Variants in PLIN4 observed in about 807,000 individuals in gnomAD.
The protein encoded by PLIN4 is perilipin 4, also known as perilipin-4.
In PLIN4, 57 loss-of-function variants were observed where a neutral mutation model predicts 52.4. The ratio of observed to expected loss-of-function variants is 1.09; its 90% CI spans 0.88 to 1.36. PLIN4 has a LOEUF of 1.36. PLIN4 is among the 40% of genes most tolerant of loss of function. The probability of loss-of-function intolerance (pLI) is 0.00; values close to 1 mark genes in which losing one functional copy is unlikely to be tolerated. For synonymous variants in PLIN4, 826 were observed against 785.4 expected (o/e 1.05, Z -0.86); for missense variants, 1,757 against 1,770.3 (o/e 0.99, Z 0.13).
chr19:4,505,177 C>T lies in PLIN4; in HGVS notation c.3703-230G>A, dbSNP rs189900258. 1.9e-4 allele frequency among the ~76,000 whole-genome samples: 29 copies of T among 152,274 alleles called. No individual in the cohort carries two copies. The East Asian group carries it at 5.6e-3, about 29-fold the overall frequency. ...GCACGTAACACAGTGTCTGTGGGGT[C>T]GTGTCACTCCTCACCCCTAAACCTG... On this transcript the variant is annotated intron_variant, in intron 6 of 7. Coordinates refer to ENST00000301286, the MANE Select transcript of PLIN4 (RefSeq NM_001367868.2).
Position 4,511,235 on chromosome 19 carries a change from C to T in PLIN4, c.2725G>A (p.Ala909Thr), listed in dbSNP as rs1473876399. Reference sequence around the variant, plus strand: ...ACGCCGGTCTGGACAGTCCCTTTGGCCAAGTTCACAGCCCCTGTGAGCCCA... The same window carrying T: ...ACGCCGGTCTGGACAGTCCCTTTGGTCAAGTTCACAGCCCCTGTGAGCCCA... ...STGLTGAVNL[A>T]KGTVQTGVDT... Residue 909 changes from alanine to threonine, a missense_variant, in exon 5 of 8, where the codon GCC becomes ACC. Physicochemically the swap from Ala to Thr is moderately conservative, Grantham distance 58. Coordinates refer to ENST00000301286, the MANE Select transcript of PLIN4 (RefSeq NM_001367868.2). 1 of 1,611,224 alleles carries T rather than the reference C, an allele frequency of 6.2e-7. No homozygotes were observed. Among genetic ancestry groups the T allele is most frequent in the African/African-American group, 1.3e-5 (1 of 74,820 alleles).
At chr19:4,509,980 A>G (rs1976235432) in intron 5 of PLIN4, among the ~76,000 whole-genome samples, 1 of 151,940 alleles carries the variant, frequency 6.6e-6, no homozygotes, top group Non-Finnish European at 1.5e-5. Context: ...CTGAGGCAGG[A>G]GGATCGTTTG....
chr19:4,510,338 C>A, intron 5 of PLIN4, 108 bp downstream of exon 5: 1 of 1,208,930 alleles, frequency 8.3e-7, no homozygotes, highest in Non-Finnish European at 1.0e-6. Context: ...TGCACTCCAG[C>A]CTGGGCAACA....
chr19:4,508,115 G>GGTAGCTTGCTGTCCT (rs1378870519), intron 6 of PLIN4, among the ~76,000 whole-genome samples: 14 of 152,240 alleles, frequency 9.2e-5, no homozygotes, highest in Non-Finnish European at 1.9e-4. Context: ...CTTGCTCCCC[G>GGTAGCTTGCTGTCCT]GTAGCTTGCT....
At chr19:4,514,381 G>C (rs192883703) in intron 4 of PLIN4, among the ~76,000 whole-genome samples, 103 of 152,030 alleles carry the variant, frequency 6.8e-4, no homozygotes, top group African/African-American at 2.4e-3. Context: ...CCAGGAGGTT[G>C]AGGCAATAGT....
intron 5 of PLIN4, 75 bp downstream of exon 5, chr19:4,510,371 A>C: frequency 7.7e-7 from 1 of 1,301,724 alleles, no homozygotes; most frequent in South Asian, 3.2e-5. Context: ...GTCTCAAAAA[A>C]AAAAACAAAA....
chr19:4,517,704 T>C lies in PLIN4; in HGVS notation c.52-6A>G. The C allele has an allele frequency of 1.9e-6, 3 of 1,578,694 alleles. No homozygotes were observed. The highest frequency in any genetic ancestry group is 2.6e-6 in the Non-Finnish European group (3 of 1,162,868). On this transcript the variant is annotated splice_region_variant and splice_polypyrimidine_tract_variant and intron_variant, in intron 2 of 7. Transcript: ENST00000301286. Reference sequence around the variant, plus strand: ...CCAAAGAAGCTGCCCAGGGTCTGCATGGGGGCGGGGGGTGTGCAGGATGAG... The same window carrying C: ...CCAAAGAAGCTGCCCAGGGTCTGCACGGGGGCGGGGGGTGTGCAGGATGAG...
intron 5 of PLIN4, among the ~76,000 whole-genome samples, chr19:4,509,285 T>G (rs1976205307): frequency 5.6e-5 from 3 of 53,178 alleles, no homozygotes; most frequent in South Asian, 7.2e-4. Context: ...CACTCCAGCC[T>G]GGGTAAGAGT....
At position 4,502,271 on chromosome 19, in the gene PLIN4, G is replaced by C; in HGVS notation, c.*2188C>G. On this transcript the variant is annotated 3_prime_UTR_variant, in exon 8 of 8. Transcript: ENST00000301286. ...GTGCAGTGGGGGCCTGAGCTGGGGC[G>C]CAGGCGGCAGTGTCACTGGGCCCGT... is the stretch of plus-strand genomic sequence containing the variant. 1 of 556,610 alleles carries C rather than the reference G, an allele frequency of 1.8e-6. No homozygotes were observed. Among genetic ancestry groups the C allele is most frequent in the South Asian group, 1.7e-5 (1 of 58,312 alleles). 34.5% of individuals were successfully genotyped at this position (556,610 alleles called of 1,614,324 possible).
intron 5 of PLIN4, among the ~76,000 whole-genome samples, 168 bp from the exon 6 acceptor site, chr19:4,509,123 C>G (rs1257304475): frequency 6.6e-6 from 1 of 151,390 alleles, no homozygotes; most frequent in Non-Finnish European, 1.5e-5. Context: ...TCCTGGCTAA[C>G]ACGGTGAAAC....
In PLIN4 at chr19:4,518,238, G is replaced by T. The variant is rs1193165598; in HGVS notation, c.35C>A (p.Pro12His). 1.6e-6 allele frequency: 2 copies of T among 1,233,070 alleles called. No individual in the cohort carries two copies. The highest frequency in any genetic ancestry group is 1.5e-5 in the African/African-American group (1 of 64,554). The allele number at this position is 1,233,070 out of a possible 1,614,324, so 76.4% of individuals were successfully genotyped here. Reference sequence around the variant, plus strand: ...CCTCTTTACCTTGCCCTTCGGTTTGGGGGGATCCCGTCTCCCTTCGTCTGG... The same window carrying T: ...CCTCTTTACCTTGCCCTTCGGTTTGTGGGGATCCCGTCTCCCTTCGTCTGG... ...SAPDEGRRDP[P>H]KPKGKTLGSF... is the part of the protein sequence containing the mutation. Residue 12 changes from proline to histidine, a missense_variant, in exon 2 of 8, where the codon CCC becomes CAC. Physicochemically the swap from Pro to His is moderately conservative, Grantham distance 77 (BLOSUM62 -2). This residue lies in a region of PLIN4 where 332 missense variants were observed against 310.8 expected (regional missense o/e 1.07). Coordinates refer to ENST00000301286, the MANE Select transcript of PLIN4 (RefSeq NM_001367868.2).
Position 4,504,388 on chromosome 19 carries a change from A to T in PLIN4, c.*71T>A. The T allele has an allele frequency of 7.3e-7, 1 of 1,373,390 alleles. No homozygotes were observed. Among genetic ancestry groups the T allele is most frequent in the South Asian group, 1.5e-5 (1 of 65,200 alleles). 85.1% of individuals were successfully genotyped at this position (1,373,390 alleles called of 1,614,324 possible). ...AACCGATCCAGGTTTGGGGGCGGGG[A>T]GAAAGTTCTGAGGCAGCTCCTCCCT... On this transcript the variant is annotated 3_prime_UTR_variant, in exon 8 of 8. Coordinates refer to ENST00000301286, the MANE Select transcript of PLIN4 (RefSeq NM_001367868.2).
At chr19:4,515,650 A>G (rs1157200764) in intron 4 of PLIN4, among the ~76,000 whole-genome samples, 1 of 152,168 alleles carries the variant, frequency 6.6e-6, no homozygotes, top group African/African-American at 2.4e-5. Context: ...AGACATCTGT[A>G]GTTGTCACAA....
rs1028353115 is a variant in PLIN4, at chr19:4,502,488, T to C, written c.*1971A>G. ...GCCCCGCACCCACGAGGCTGGGGGGTTTGATGCTTCCTGCATCTGGCAGCC... is the reference window on the plus strand; with the variant it reads ...GCCCCGCACCCACGAGGCTGGGGGGCTTGATGCTTCCTGCATCTGGCAGCC... On this transcript the variant is annotated 3_prime_UTR_variant, in exon 8 of 8. Coordinates refer to ENST00000301286, the MANE Select transcript of PLIN4 (RefSeq NM_001367868.2). The C allele has an allele frequency of 1.2e-4, 33 of 279,090 alleles. No individual in the cohort carries two copies. Among genetic ancestry groups the C allele is most frequent in the Non-Finnish European group, 2.0e-4 (29 of 146,566 alleles). 17.3% of individuals were successfully genotyped at this position (279,090 alleles called of 1,614,324 possible).
chr19:4,508,532 G>T (rs1976169453), intron 6 of PLIN4, among the ~76,000 whole-genome samples: 2 of 152,206 alleles, frequency 1.3e-5, no homozygotes, highest in African/African-American at 4.8e-5. Context: ...CTCCCAAATT[G>T]CTGGGGTTAC....
chr19:4,512,166 C>T lies in PLIN4; in HGVS notation c.1794G>A (p.Lys598=), dbSNP rs111809684. ...DTAKTVLTGT[K]DTVTTGLVGA... ...CCACGAGCCCAGTAGTCACTGTGTC[C>T]TTGGTGCCGGTCAGCACGGTCTTGG... The change falls in exon 5 of 8, where the codon AAG becomes AAA. Residue 598 remains lysine, a synonymous_variant. Transcript: ENST00000301286. 1,297 of 1,609,422 alleles carry T rather than the reference C, an allele frequency of 8.1e-4. 34 individuals carry two copies. The African/African-American group carries it at 0.015, about 18-fold the overall frequency.
intron 6 of PLIN4, among the ~76,000 whole-genome samples, chr19:4,505,790 T>TGCAGACG (rs1331249192): frequency 6.6e-5 from 10 of 152,088 alleles, no homozygotes; most frequent in Non-Finnish European, 1.3e-4. Flanking sequence ...CAGCTGCATA[T>TGCAGACG]GCAGACGCGT....
rs1307822716 is a variant in PLIN4 at position 4,502,554 on chromosome 19, G to A, written c.*1905C>T. ...TGAGCAGGTCCGATGTGGGGAGGAC[G>A]AGGGTCCGCGAGGCTAGGCTGGGAG... is the stretch of plus-strand genomic sequence containing the variant. On this transcript the variant is annotated 3_prime_UTR_variant, in exon 8 of 8. Coordinates refer to ENST00000301286, the MANE Select transcript of PLIN4 (RefSeq NM_001367868.2). 17 of 238,284 alleles carry A rather than the reference G, an allele frequency of 7.1e-5. No individual in the cohort carries two copies. Among genetic ancestry groups the A allele is most frequent in the Middle Eastern group, 1.5e-3 (1 of 674 alleles). 14.8% of individuals were successfully genotyped at this position (238,284 alleles called of 1,614,324 possible).
intron 2 of PLIN4, 46 bp from the exon 3 acceptor site, chr19:4,517,744 G>T: frequency 1.3e-6 from 2 of 1,545,226 alleles, no homozygotes. Flanking sequence ...CCAAGCCTCG[G>T]CAGGAACGGG....
Sources: allele counts gnomAD v4.1 joint callset (sites outside exome capture counted in the v4.1 genomes callset), GRCh38; gene constraint gnomAD v4.1.1; regional missense constraint gnomAD v4.1.1; transcripts MANE v1.5; gene names NCBI Gene and HGNC (gene_info 2026-07-23, HGNC 2026-07-21).